The following NSMCE2 variants were observed in gnomAD, a reference collection of about 807,000 sequenced individuals.
NSMCE2 encodes the protein E3 SUMO-protein ligase NSE2.
Under a neutral mutation model 23.8 loss-of-function variants are expected in NSMCE2, and 24 were observed. The ratio of observed to expected loss-of-function variants is 1.01; its 90% CI spans 0.73 to 1.42. NSMCE2 has a LOEUF of 1.42. Ranked by LOEUF, NSMCE2 falls within the 40% of genes most tolerant of loss-of-function variation. The pLI, the probability that NSMCE2 is intolerant of heterozygous loss-of-function variation, is 0.00. For missense variants in NSMCE2, 284 were observed against 296.5 expected (o/e 0.96, Z 0.31); for synonymous variants, 92 against 94.1 (o/e 0.98, Z 0.13).
Position 125,290,998 on chromosome 8 carries a change from G to A in NSMCE2, c.419-66221G>A, listed in dbSNP as rs117507314. Among the ~76,000 whole-genome samples, 44 of 152,326 alleles carry A rather than the reference G, an allele frequency of 2.9e-4. No homozygotes were observed. In the East Asian group the frequency reaches 7.3e-3, roughly 25 times the overall value. The stretch of plus-strand genomic sequence containing the variant: ...TTCAGTAAATATTCAGTAAATATTG[G>A]ATGAACAGAAACTAAGGTAAGCTCT... On this transcript the variant is annotated intron_variant, in intron 5 of 7. Coordinates refer to ENST00000287437, the MANE Select transcript of NSMCE2 (RefSeq NM_173685.4).
intron 5 of NSMCE2, among the ~76,000 whole-genome samples, chr8:125,244,528 A>C (rs1211958144): frequency 6.6e-6 from 1 of 152,202 alleles, no homozygotes; most frequent in Non-Finnish European, 1.5e-5. Flanking sequence ...CAAGGATTCG[A>C]ATTGGCTTTT....
chr8:125,096,370 T>G (rs1412496842), intron 1 of NSMCE2, among the ~76,000 whole-genome samples: 1 of 152,200 alleles, frequency 6.6e-6, no homozygotes, highest in Non-Finnish European at 1.5e-5. Context: ...TTACCTGCCC[T>G]GAGAAATAGT....
intron 3 of NSMCE2, among the ~76,000 whole-genome samples, chr8:125,139,253 G>T (rs1265508509): frequency 6.6e-6 from 1 of 152,196 alleles, no homozygotes; most frequent in African/African-American, 2.4e-5. Context: ...ATTCACCACT[G>T]TGTCCAGGGT....
intron 5 of NSMCE2, among the ~76,000 whole-genome samples, chr8:125,250,626 C>T (rs909215587): frequency 5.3e-5 from 8 of 152,078 alleles, no homozygotes; most frequent in African/African-American, 1.9e-4. Context: ...ATGTCTCTTG[C>T]AGACATTTCT....
intron 3 of NSMCE2, chr8:125,130,378 C>G: frequency 2.4e-6 from 1 of 417,332 alleles, no homozygotes; most frequent in Non-Finnish European, 4.8e-6. Flanking sequence ...TCTTTTCCCT[C>G]TACATACTGT....
At chr8:125,366,319 T>A (rs796948304) in intron 7 of NSMCE2, among the ~76,000 whole-genome samples, 7 of 152,254 alleles carry the variant, frequency 4.6e-5, no homozygotes, top group African/African-American at 1.7e-4. Flanking sequence ...GGCGGGCGGA[T>A]CACGAGGTCA....
chr8:125,117,456 A>C (rs1019084521), intron 3 of NSMCE2, among the ~76,000 whole-genome samples: 1 of 152,196 alleles, frequency 6.6e-6, no homozygotes, highest in South Asian at 2.1e-4. Context: ...ATAATTTGCC[A>C]TGTCTCGATA....
At chr8:125,288,289 G>A (rs1363847005) in intron 5 of NSMCE2, among the ~76,000 whole-genome samples, 1 of 152,154 alleles carries the variant, frequency 6.6e-6, no homozygotes, top group African/African-American at 2.4e-5. Context: ...CTGCTGGGAC[G>A]TAACAGGAGG....
Position 125,236,367 on chromosome 8 carries a change from A to G in NSMCE2, c.418+54111A>G, listed in dbSNP as rs528782957. Among the ~76,000 whole-genome samples the G allele has an allele frequency of 3.1e-5, 3 of 97,408 alleles. No individual in the cohort carries two copies. The South Asian group carries it at 1.4e-3, about 44-fold the overall frequency. The allele number at this position is 97,408 out of a possible 152,430, so 63.9% of individuals were successfully genotyped here. ...ATGTAAAAGGACGAGTTGCAAAACT[A>G]TATATATATATATCATATGATCCCA... On this transcript the variant is annotated intron_variant, in intron 5 of 7. Transcript: ENST00000287437.
chr8:125,145,830 C>T (rs892574910), intron 3 of NSMCE2, among the ~76,000 whole-genome samples: 1 of 152,160 alleles, frequency 6.6e-6, no homozygotes, highest in African/African-American at 2.4e-5. Flanking sequence ...GCTTTCATCT[C>T]TGTTGCTGCC....
intron 5 of NSMCE2, among the ~76,000 whole-genome samples, chr8:125,193,082 A>G (rs1035672022): frequency 4.6e-5 from 7 of 152,030 alleles, no homozygotes; most frequent in East Asian, 3.8e-4. Flanking sequence ...ATATTTTGCA[A>G]TCATTAAAAA....
In NSMCE2 at chr8:125,244,863, C is replaced by T. The variant is rs116641755; in HGVS notation, c.418+62607C>T. ...GCACACAAAAAAAGATATAGAGGAGCGACTGCTCAAAGCTTAAACTAATAA... is the reference window on the plus strand; with the variant it reads ...GCACACAAAAAAAGATATAGAGGAGTGACTGCTCAAAGCTTAAACTAATAA... On this transcript the variant is annotated intron_variant, in intron 5 of 7. Transcript: ENST00000287437. Among the ~76,000 whole-genome samples, 1,083 of 152,098 alleles carry T rather than the reference C, an allele frequency of 7.1e-3. 10 individuals are homozygous for T. Among genetic ancestry groups the T allele is most frequent in the African/African-American group, 0.024 (1,015 of 41,502 alleles).
At chr8:125,304,235 A>G (rs1218192941) in intron 5 of NSMCE2, among the ~76,000 whole-genome samples, 1 of 152,150 alleles carries the variant, frequency 6.6e-6, no homozygotes, top group Admixed American at 6.5e-5. Flanking sequence ...TTTCATTTGC[A>G]TTGTTGTGAT....
chr8:125,232,162 G>A (rs138882191), intron 5 of NSMCE2, among the ~76,000 whole-genome samples: 6 of 152,194 alleles, frequency 3.9e-5, no homozygotes, highest in African/African-American at 1.4e-4. Context: ...GGAGTTCGAG[G>A]CTAGCCTGAC....
intron 5 of NSMCE2, among the ~76,000 whole-genome samples, chr8:125,325,418 T>G (rs1009467190): frequency 5.9e-5 from 9 of 152,226 alleles, no homozygotes; most frequent in African/African-American, 2.2e-4. Context: ...TGGCACGATC[T>G]CGGCTCATTG....
chr8:125,280,460 T>A (rs1827645875), intron 5 of NSMCE2, among the ~76,000 whole-genome samples: 1 of 152,200 alleles, frequency 6.6e-6, no homozygotes, highest in African/African-American at 2.4e-5. Flanking sequence ...AGTTTTACTG[T>A]CCTCTGTGCA....
At chr8:125,306,184 G>A (rs1391785361) in intron 5 of NSMCE2, among the ~76,000 whole-genome samples, 1 of 151,950 alleles carries the variant, frequency 6.6e-6, no homozygotes, top group Non-Finnish European at 1.5e-5. Flanking sequence ...TAAAAAATTA[G>A]CCAGGTGTCA....
intron 3 of NSMCE2, among the ~76,000 whole-genome samples, chr8:125,107,819 A>G (rs1392011984): frequency 2.6e-5 from 4 of 152,196 alleles, no homozygotes; most frequent in Non-Finnish European, 5.9e-5. Flanking sequence ...AGATTGCTTG[A>G]GCTCAGGAGT....
At chr8:125,284,027 G>A (rs1047625379) in intron 5 of NSMCE2, among the ~76,000 whole-genome samples, 8 of 151,996 alleles carry the variant, frequency 5.3e-5, no homozygotes, top group African/African-American at 1.9e-4. Context: ...GGTGGCGGGC[G>A]CCTGTAGTCT....
Sources: allele counts gnomAD v4.1 joint callset (sites outside exome capture counted in the v4.1 genomes callset), GRCh38; gene constraint gnomAD v4.1.1; transcripts MANE v1.5; gene names NCBI Gene and HGNC (gene_info 2026-07-23, HGNC 2026-07-21).